The following MNAT1 variants were observed in gnomAD, a reference collection of about 807,000 sequenced individuals.
The protein encoded by MNAT1 is CDK-activating kinase assembly factor MAT1.
MNAT1 carries 43 observed loss-of-function variants against 42.0 expected under a neutral mutation model. The observed-to-expected ratio is 1.02, with a 90% CI of 0.80 to 1.32. The LOEUF is 1.32. MNAT1 is among the 40% of genes most tolerant of loss of function. The pLI is 0.00. For synonymous variants in MNAT1, 118 were observed against 120.0 expected (o/e 0.98, Z 0.11); for missense variants, 306 against 350.4 (o/e 0.87, Z 1.01).
chr14:60,794,122 G>C (rs1221623190), intron 1 of MNAT1, among the ~76,000 whole-genome samples: 1 of 152,008 alleles, frequency 6.6e-6, no homozygotes, highest in Non-Finnish European at 1.5e-5. Context: ...TGTTATTTGT[G>C]GCTCTGTAAT....
At chr14:60,951,636 G>A (rs1187799643) in intron 7 of MNAT1, among the ~76,000 whole-genome samples, 2 of 151,648 alleles carry the variant, frequency 1.3e-5, no homozygotes, top group Admixed American at 6.6e-5. Flanking sequence ...TATTCCTTTC[G>A]TGGTTTCTTT....
At chr14:60,932,888 C>T (rs2035918033) in intron 7 of MNAT1, among the ~76,000 whole-genome samples, 1 of 151,942 alleles carries the variant, frequency 6.6e-6, no homozygotes, top group South Asian at 2.1e-4. Context: ...TAACCATAAT[C>T]TTAAAAACAA....
intron 3 of MNAT1, among the ~76,000 whole-genome samples, chr14:60,808,088 T>G (rs1348271593): frequency 2.0e-5 from 3 of 152,150 alleles, no homozygotes; most frequent in Admixed American, 2.0e-4. Flanking sequence ...TCTGGAGTGA[T>G]CCTGACATTT....
chr14:60,884,907 T>C (rs997855223), intron 7 of MNAT1, among the ~76,000 whole-genome samples: 16 of 152,062 alleles, frequency 1.1e-4, no homozygotes, highest in East Asian at 1.9e-4. Context: ...CCTTCAGCTT[T>C]TGTTTGTCCG....
intron 1 of MNAT1, among the ~76,000 whole-genome samples, chr14:60,778,965 C>G (rs1031407664): frequency 6.6e-6 from 1 of 152,176 alleles, no homozygotes; most frequent in Admixed American, 6.5e-5. Context: ...ATTCATATAG[C>G]TTTAGACCCT....
chr14:60,745,955 G>A (rs1192140976), intron 1 of MNAT1, among the ~76,000 whole-genome samples: 1 of 152,154 alleles, frequency 6.6e-6, no homozygotes, highest in Non-Finnish European at 1.5e-5. Flanking sequence ...GGTAATTACA[G>A]TGAAGATCTC....
chr14:60,958,739 C>T (rs1594911833), intron 7 of MNAT1, among the ~76,000 whole-genome samples: 1 of 148,858 alleles, frequency 6.7e-6, no homozygotes, highest in East Asian at 2.0e-4. Flanking sequence ...TGGGTTCACA[C>T]CATTCTCCTG....
At chr14:60,894,829 G>C (rs1028401994) in intron 7 of MNAT1, among the ~76,000 whole-genome samples, 1 of 152,104 alleles carries the variant, frequency 6.6e-6, no homozygotes, top group Non-Finnish European at 1.5e-5. Context: ...ATCTACAACA[G>C]TTAAAAAGGC....
chr14:60,791,252 G>C (rs1243501728), intron 1 of MNAT1, among the ~76,000 whole-genome samples: 1 of 152,068 alleles, frequency 6.6e-6, no homozygotes, highest in Non-Finnish European at 1.5e-5. Flanking sequence ...CATTAATTTT[G>C]AGTTCTAAGA....
chr14:60,930,609 A>G (rs557401235), intron 7 of MNAT1, among the ~76,000 whole-genome samples: 1 of 152,202 alleles, frequency 6.6e-6, no homozygotes, highest in Non-Finnish European at 1.5e-5. Context: ...GTCAAGGAAC[A>G]TTTCATAGAG....
chr14:60,942,628 C>T (rs1425319756), intron 7 of MNAT1, among the ~76,000 whole-genome samples: 1 of 151,982 alleles, frequency 6.6e-6, no homozygotes, highest in Non-Finnish European at 1.5e-5. Context: ...TAGCGCCCTT[C>T]TTTTGCAGTG....
intron 1 of MNAT1, among the ~76,000 whole-genome samples, chr14:60,782,949 C>T (rs2031516043): frequency 6.6e-6 from 1 of 152,214 alleles, no homozygotes; most frequent in Non-Finnish European, 1.5e-5. Flanking sequence ...CTATATAATA[C>T]ATCCCTGAAG....
At chr14:60,761,344 G>A (rs2140299979) in intron 1 of MNAT1, among the ~76,000 whole-genome samples, 1 of 152,246 alleles carries the variant, frequency 6.6e-6, no homozygotes, top group Admixed American at 6.5e-5. Flanking sequence ...CAATACATTT[G>A]AGTTTTAACT....
chr14:60,795,957 C>T (rs2032004472), intron 1 of MNAT1, among the ~76,000 whole-genome samples: 1 of 152,170 alleles, frequency 6.6e-6, no homozygotes, highest in African/African-American at 2.4e-5. Context: ...GCTCTTCTTC[C>T]TAGTCTCTCA....
At chr14:60,948,180 C>T (rs1031770340) in intron 7 of MNAT1, among the ~76,000 whole-genome samples, 1 of 152,198 alleles carries the variant, frequency 6.6e-6, no homozygotes, top group African/African-American at 2.4e-5. Flanking sequence ...CCTGTAATCT[C>T]AGCGCTTACC....
intron 1 of MNAT1, among the ~76,000 whole-genome samples, chr14:60,794,570 G>A (rs1188592203): frequency 1.4e-5 from 2 of 142,386 alleles, no homozygotes; most frequent in Non-Finnish European, 1.5e-5. Flanking sequence ...GGAGCCTGAT[G>A]TAGGACGATT....
At position 60,856,925 on chromosome 14, in the gene MNAT1, C is replaced by T. The variant is rs4151272; in HGVS notation, c.688-22789C>T. Among the ~76,000 whole-genome samples the T allele has an allele frequency of 6.4e-3, 969 of 152,196 alleles. 8 individuals carry two copies. Among genetic ancestry groups the T allele is most frequent in the African/African-American group, 0.021 (885 of 41,524 alleles). Reference sequence around the variant, plus strand: ...CGAACTCCTCACCTCGTGATCCGCCCGCCTCGGCCTCCCAAAGTGCTGAGA... The same window carrying T: ...CGAACTCCTCACCTCGTGATCCGCCTGCCTCGGCCTCCCAAAGTGCTGAGA... On this transcript the variant is annotated intron_variant, in intron 6 of 7. Coordinates refer to ENST00000261245, the MANE Select transcript of MNAT1 (RefSeq NM_002431.4).
intron 1 of MNAT1, among the ~76,000 whole-genome samples, chr14:60,741,338 G>T (rs1351109283): frequency 6.6e-6 from 1 of 151,960 alleles, no homozygotes; most frequent in Non-Finnish European, 1.5e-5. Context: ...ACCACACCTG[G>T]CTTATTTATT....
chr14:60,925,168 C>G (rs1388146518), intron 7 of MNAT1, among the ~76,000 whole-genome samples: 1 of 152,164 alleles, frequency 6.6e-6, no homozygotes, highest in African/African-American at 2.4e-5. Flanking sequence ...ACGACAACAC[C>G]TATTTACATA....
Sources: allele counts gnomAD v4.1 joint callset (sites outside exome capture counted in the v4.1 genomes callset), GRCh38; gene constraint gnomAD v4.1.1; transcripts MANE v1.5; gene names NCBI Gene and HGNC (gene_info 2026-07-23, HGNC 2026-07-21).